The following SMAP2 variants were observed in gnomAD, a reference collection of about 807,000 sequenced individuals.
SMAP2 encodes stromal membrane-associated protein 2.
Under a neutral mutation model 56.4 loss-of-function variants are expected in SMAP2, and 25 were observed. The observed-to-expected ratio is 0.44, with a 90% confidence interval of 0.32 to 0.62. The LOEUF is 0.62. Among genes scored for constraint, SMAP2 ranks in the 20% least tolerant of loss-of-function variants. SMAP2 has a pLI of 0.04. For synonymous variants in SMAP2, 157 were observed against 181.7 expected, an observed-to-expected ratio of 0.86 and a Z score of 1.09; for missense variants, 388 against 545.6, an observed-to-expected ratio of 0.71 and a Z score of 2.88.
intron 3 of SMAP2, 105 bp from the exon 4 acceptor site, chr1:40,409,652 G>A (rs1644916555): frequency 1.2e-5 from 9 of 772,684 alleles, no homozygotes; most frequent in Non-Finnish European, 2.0e-5. Context: ...GGGAAACCAG[G>A]CAAGAGGGAA....
intron 1 of SMAP2, among the ~76,000 whole-genome samples, chr1:40,350,595 T>C (rs915704568): frequency 5.3e-5 from 8 of 152,162 alleles, no homozygotes; most frequent in Non-Finnish European, 1.0e-4. Context: ...CTGCTTCCTG[T>C]TCAGGATCCA....
intron 1 of SMAP2, among the ~76,000 whole-genome samples, chr1:40,378,299 A>G (rs1396159814): frequency 6.6e-6 from 1 of 151,838 alleles, no homozygotes; most frequent in African/African-American, 2.4e-5. Flanking sequence ...ATTTTTTCGA[A>G]TATTTTCAAT....
At chr1:40,393,237 G>A (rs1644734534) in intron 1 of SMAP2, 2 of 1,289,554 alleles carry the variant, frequency 1.6e-6, no homozygotes, top group Admixed American at 5.6e-5. Context: ...GAGGTGGGAG[G>A]ATTGCTTGAG....
chr1:40,421,855 CAG>C (rs1313624367), intron 9 of SMAP2, 119 bp from the exon 10 acceptor site: 1 of 1,154,206 alleles, frequency 8.7e-7, no homozygotes, highest in Non-Finnish European at 1.3e-6. Flanking sequence ...CTGTCCATAA[CAG>C]AGTTTCCCTT....
intron 1 of SMAP2, among the ~76,000 whole-genome samples, chr1:40,396,378 G>T (rs1644772541): frequency 6.6e-6 from 1 of 152,180 alleles, no homozygotes. Flanking sequence ...TGAGAGGCTG[G>T]ACCTAAGAGG....
At chr1:40,382,201 T>C (rs1265120631) in intron 1 of SMAP2, among the ~76,000 whole-genome samples, 2 of 152,218 alleles carry the variant, frequency 1.3e-5, no homozygotes, top group Non-Finnish European at 2.9e-5. Flanking sequence ...ATATAACTGT[T>C]CATCACATGA....
At position 40,353,558 on chromosome 1, in the gene SMAP2, T is replaced by C. The variant is rs577174973; in HGVS notation, c.-83+8648T>C. Among the ~76,000 whole-genome samples, 53 of 152,032 alleles carry C rather than the reference T, an allele frequency of 3.5e-4. 1 individual carries two copies. The East Asian group carries it at 9.1e-3, about 26-fold the overall frequency. On this transcript the variant is annotated intron_variant, in intron 1 of 6. Coordinates refer to the SMAP2 transcript ENST00000435168. ...TAATTTTTTGTATTTTTAGTAGAGATGGGTTTTCACCATGTTGGCCAGGCT... is the reference window on the plus strand; with the variant it reads ...TAATTTTTTGTATTTTTAGTAGAGACGGGTTTTCACCATGTTGGCCAGGCT...
intron 5 of SMAP2, 148 bp downstream of exon 5, chr1:40,413,250 CA>C: frequency 1.5e-6 from 1 of 671,830 alleles, no homozygotes. Flanking sequence ...TGCCTGCTAT[CA>C]TTTCTGCTCT....
chr1:40,346,268 A>G (rs1644385676), intron 1 of SMAP2, among the ~76,000 whole-genome samples: 1 of 152,122 alleles, frequency 6.6e-6, no homozygotes, highest in Admixed American at 6.6e-5. Context: ...TGTTTACAAA[A>G]ATATGAATAA....
chr1:40,416,211 C>G lies in SMAP2; in HGVS notation c.717C>G (p.Gly239=). 6.2e-7 allele frequency: 1 copy of G among 1,614,122 alleles called. No homozygotes were observed. The change falls in exon 8 of 10, where the codon GGC becomes GGG. Residue 239 remains glycine (G), a synonymous_variant. Transcript: ENST00000372718. ...CCATGCCAACTGCAGGGAGTGCCGG[C>G]TCTGTTCCTGAAAATCTGAACCTGT... ...VGSMPTAGSA[G]SVPENLNLFP...
chr1:40,361,902 T>G (rs1057231735), intron 1 of SMAP2, among the ~76,000 whole-genome samples: 1 of 152,096 alleles, frequency 6.6e-6, no homozygotes, highest in African/African-American at 2.4e-5. Flanking sequence ...GGAGATAAAC[T>G]GGTTAGGATT....
intron 1 of SMAP2, among the ~76,000 whole-genome samples, chr1:40,347,255 T>TTTTTG (rs1644392859): frequency 3.1e-5 from 4 of 129,344 alleles, no homozygotes; most frequent in African/African-American, 1.1e-4. Flanking sequence ...GTTTTTGTTT[T>TTTTTG]TTTTTTTTTT....
At chr1:40,393,232 G>A in intron 1 of SMAP2, 1 of 1,242,406 alleles carries the variant, frequency 8.0e-7, no homozygotes, top group African/African-American at 1.5e-5. Flanking sequence ...AAGCTGAGGT[G>A]GGAGGATTGC....
intron 1 of SMAP2, among the ~76,000 whole-genome samples, chr1:40,349,865 C>T (rs1278391626): frequency 6.6e-6 from 1 of 152,196 alleles, no homozygotes; most frequent in Non-Finnish European, 1.5e-5. Context: ...TCCATTCCTT[C>T]TAAGTTGACT....
In SMAP2 at chr1:40,408,832, TC is replaced by T; in HGVS notation, c.323+95del. On this transcript the variant is annotated intron_variant, in intron 3 of 9. Coordinates refer to ENST00000372718, the MANE Select transcript of SMAP2 (RefSeq NM_022733.3). The surrounding 1 kb of genome is among the most constrained non-coding windows in gnomAD (Gnocchi z 4.3). ...CCAGTCCTGTAATGTGACTGGGTCA[TC>T]TCTATGTGGATTAGTCAGTGTCCTT... 2.1e-6 allele frequency: 2 copies of T among 948,274 alleles called. No individual in the cohort carries two copies. The highest frequency in any genetic ancestry group is 2.8e-5 in the South Asian group (2 of 72,498). 58.7% of individuals were successfully genotyped at this position (948,274 alleles called of 1,614,324 possible). A position where few individuals can be genotyped will look rare whatever the true frequency, so the allele number is the denominator to read the frequency against.
chr1:40,376,288 G>A lies in SMAP2; in HGVS notation c.103+2065G>A, dbSNP rs531188568. On this transcript the variant is annotated intron_variant, in intron 1 of 9. Coordinates refer to ENST00000372718, the MANE Select transcript of SMAP2 (RefSeq NM_022733.3). ...TGCTTTTTATTAATAAGCTTACTGGGGATCAGGTTATGAAATATCAGTTAA... is the reference window on the plus strand; with the variant it reads ...TGCTTTTTATTAATAAGCTTACTGGAGATCAGGTTATGAAATATCAGTTAA... 8.5e-5 allele frequency among the ~76,000 whole-genome samples: 13 copies of A among 152,236 alleles called. No homozygotes were observed. In the South Asian group the frequency reaches 2.7e-3, roughly 32 times the overall value.
intron 1 of SMAP2, among the ~76,000 whole-genome samples, chr1:40,379,449 T>C (rs72948142): frequency 0.024 from 3,696 of 152,194 alleles, 60 homozygotes; most frequent in African/African-American, 0.043. Flanking sequence ...TCCATGCACA[T>C]TGAGGAGTGC....
intron 7 of SMAP2, 78 bp downstream of exon 7, chr1:40,415,459 C>G: frequency 1.0e-6 from 1 of 957,074 alleles, no homozygotes; most frequent in Non-Finnish European, 1.7e-6. Flanking sequence ...GGAACCACGT[C>G]ATGCTTCCTT....
chr1:40,395,934 GT>G (rs1644767386), intron 1 of SMAP2, among the ~76,000 whole-genome samples: 1 of 152,170 alleles, frequency 6.6e-6, no homozygotes, highest in African/African-American at 2.4e-5. Flanking sequence ...ACTTAGCAGT[GT>G]TCTACCTCCC....
Sources: gnomAD v4.1 joint callset for allele counts (sites outside exome capture counted in the v4.1 genomes callset) on GRCh38, gnomAD v4.1.1 for gene constraint, Gnocchi (gnomAD v3.1) non-coding constraint, MANE v1.5 for transcripts, NCBI Gene and HGNC (gene_info 2026-07-23, HGNC 2026-07-21) for gene names.